Variants in UNKL observed in about 807,000 individuals in gnomAD.
The protein encoded by UNKL is putative E3 ubiquitin-protein ligase UNKL.
A neutral mutation model predicts 78.0 loss-of-function variants in UNKL; 60 were observed. The ratio of observed to expected loss-of-function variants is 0.77; its 90% CI spans 0.63 to 0.95. UNKL has a LOEUF of 0.95. Ranked by LOEUF, UNKL falls within the 40% of genes least tolerant of loss-of-function variation. The pLI is 0.00. For missense variants in UNKL, 1,159 were observed against 1,045.7 expected (o/e 1.11, Z -1.49); for synonymous variants, 608 against 474.8 (o/e 1.28, Z -3.65).
At chr16:1,385,727 G>A (rs867932093) in intron 9 of UNKL, among the ~76,000 whole-genome samples, 1 of 152,236 alleles carries the variant, frequency 6.6e-6, no homozygotes, top group African/African-American at 2.4e-5. Context: ...CCGCCAGCCC[G>A]AGGGGCAAGC....
intron 6 of UNKL, chr16:1,395,865 G>A (rs939764953): frequency 4.2e-5 from 18 of 424,986 alleles, no homozygotes; most frequent in African/African-American, 1.8e-4. Context: ...CATGATGCGC[G>A]TCTGTGACAA....
rs778419591 is a variant in UNKL, at chr16:1,371,534, C to A, written c.1342G>T (p.Asp448Tyr). 6.5e-7 allele frequency: 1 copy of A among 1,536,162 alleles called. No individual in the cohort carries two copies. The highest frequency in any genetic ancestry group is 1.4e-5 in the African/African-American group (1 of 73,162). ...CCACCCTCACCTGCTGCTCCCAGGTCGTGGCCGTCTTGCTCTTCCAGGTCC... is the reference window on the plus strand; with the variant it reads ...CCACCCTCACCTGCTGCTCCCAGGTAGTGGCCGTCTTGCTCTTCCAGGTCC... ...EKDLEEQDGH[D>Y]LGAAGPRSLA... Residue 448 changes from aspartate to tyrosine, a missense_variant, in exon 11 of 15, where the codon GAC (aspartate) becomes TAC (tyrosine). Asp to Tyr is a radical substitution (Grantham distance 160, BLOSUM62 -3). Coordinates refer to ENST00000389221, the MANE Select transcript of UNKL (RefSeq NM_001372107.1).
chr16:1,413,243 C>CAAAAAAAAAAAAA (rs546295462), intron 2 of UNKL, among the ~76,000 whole-genome samples: 2 of 71,648 alleles, frequency 2.8e-5, no homozygotes, highest in African/African-American at 5.6e-5. Context: ...GACCCTGTCT[C>CAAAAAAAAAAAAA]AAAAAAAAAA....
chr16:1,381,866 G>A (rs1199989177), intron 10 of UNKL, among the ~76,000 whole-genome samples: 2 of 152,206 alleles, frequency 1.3e-5, no homozygotes, highest in Non-Finnish European at 2.9e-5. Context: ...CATCTCTGGA[G>A]CACAGGAGTT....
intron 5 of UNKL, chr16:1,398,899 G>A: frequency 6.4e-7 from 1 of 1,571,780 alleles, no homozygotes; most frequent in South Asian, 1.2e-5. Context: ...TTGGGTTGTT[G>A]GCCCTGGGAC....
chr16:1,366,767 C>T (rs538442900), intron 14 of UNKL, among the ~76,000 whole-genome samples: 2 of 152,182 alleles, frequency 1.3e-5, no homozygotes, highest in South Asian at 2.1e-4. Context: ...AGGAGGGGCA[C>T]GCCGAAGTGG....
rs1351442827 is a variant in UNKL, at chr16:1,390,710, C to T, written c.1024-16G>A. On this transcript the variant is annotated splice_polypyrimidine_tract_variant and intron_variant, in intron 8 of 14. Transcript: ENST00000389221. ...TCCGCTTGGCCTGCAACATAAAAAACAGTCATATGTGGAAAAAGCAGGGAG... is the reference window on the plus strand; with the variant it reads ...TCCGCTTGGCCTGCAACATAAAAAATAGTCATATGTGGAAAAAGCAGGGAG... The T allele has an allele frequency of 3.9e-6, 6 of 1,535,800 alleles. No homozygotes were observed. Among genetic ancestry groups the T allele is most frequent in the Non-Finnish European group, 5.2e-6 (6 of 1,146,836 alleles).
At chr16:1,390,807 A>T (rs1397715471) in intron 8 of UNKL, 113 bp from the exon 9 acceptor site, 1 of 1,149,184 alleles carries the variant, frequency 8.7e-7, no homozygotes, top group Non-Finnish European at 1.2e-6. Context: ...AGGCGGGCGG[A>T]TCATCTGAGC....
chr16:1,393,591 T>C (rs2037139030), intron 7 of UNKL, among the ~76,000 whole-genome samples: 1 of 152,218 alleles, frequency 6.6e-6, no homozygotes, highest in African/African-American at 2.4e-5. Context: ...TCGCCAAAGC[T>C]AAGCCCTCAT....
intron 6 of UNKL, chr16:1,394,614 G>A (rs2037182619): frequency 2.3e-6 from 1 of 426,118 alleles, no homozygotes; most frequent in Admixed American, 2.5e-5. Flanking sequence ...TAGGGTGACA[G>A]CCCCTCTCAT....
chr16:1,399,659 G>T lies in UNKL; in HGVS notation c.599-150C>A. ...GCAGACACACGCCACGGCACACGCT[G>T]ATGTCAAAGGACTCGCGCTCCATGA... On this transcript the variant is annotated intron_variant, in intron 4 of 14. Transcript: ENST00000389221. The surrounding 1 kb of genome is among the most constrained non-coding windows in gnomAD (Gnocchi z 5.8). 1 of 1,172,056 alleles carries T rather than the reference G, an allele frequency of 8.5e-7. No homozygotes were observed. The highest frequency in any genetic ancestry group is 1.2e-6 in the Non-Finnish European group (1 of 838,520). 72.6% of individuals were successfully genotyped at this position (1,172,056 alleles called of 1,614,324 possible).
At chr16:1,369,071 T>G (rs1017429263) in intron 12 of UNKL, among the ~76,000 whole-genome samples, 2 of 130,760 alleles carry the variant, frequency 1.5e-5, no homozygotes, top group East Asian at 4.6e-4. Flanking sequence ...TTTTTTTTTT[T>G]TTTTTTTTTT....
chr16:1,406,369 T>C (rs959850705), intron 2 of UNKL, among the ~76,000 whole-genome samples: 4 of 152,136 alleles, frequency 2.6e-5, no homozygotes, highest in Non-Finnish European at 4.4e-5. Context: ...CCTGCCACCA[T>C]GCCTGGCTAA....
Position 1,367,357 on chromosome 16 carries a change from C to T in UNKL, c.1789-8G>A. 6.5e-7 allele frequency: 1 copy of T among 1,536,050 alleles called. No individual in the cohort carries two copies. The highest frequency in any genetic ancestry group is 8.7e-7 in the Non-Finnish European group (1 of 1,145,492). On this transcript the variant is annotated splice_region_variant and splice_polypyrimidine_tract_variant and intron_variant, in intron 13 of 14. Transcript: ENST00000389221. Reference sequence around the variant, plus strand: ...CTGCCAGGCATCGCAGACCTGAAACCCAGGGCCCGTCTCAGCACCCCCCAC... The same window carrying T: ...CTGCCAGGCATCGCAGACCTGAAACTCAGGGCCCGTCTCAGCACCCCCCAC...
intron 6 of UNKL, 40 bp downstream of exon 6, chr16:1,397,138 T>C: frequency 6.5e-7 from 1 of 1,538,792 alleles, no homozygotes. Context: ...CTCTGGGACC[T>C]TCCAGCGACC....
intron 10 of UNKL, among the ~76,000 whole-genome samples, chr16:1,383,132 C>T (rs1036342710): frequency 2.8e-5 from 4 of 145,424 alleles, no homozygotes; most frequent in African/African-American, 5.1e-5. Context: ...ATTAGCCGGG[C>T]GTAGTGGCAG....
In UNKL at chr16:1,364,283, G is replaced by C. The variant is rs2035057721; in HGVS notation, c.*1957C>G. ...TTAAAACAACAGAATGTTGCTATCA[G>C]TTTGTCTTACGTTAAAACAGTTCTT... On this transcript the variant is annotated 3_prime_UTR_variant, in exon 15 of 15. Coordinates refer to ENST00000389221, the MANE Select transcript of UNKL (RefSeq NM_001372107.1). The C allele has an allele frequency of 6.6e-6, 1 of 152,194 alleles. No homozygotes were observed. The highest frequency in any genetic ancestry group is 2.4e-5 in the African/African-American group (1 of 41,454). The allele number at this position is 152,194 out of a possible 1,614,324, so 9.4% of individuals were successfully genotyped here.
rs532061996 is a variant in UNKL at position 1,407,894 on chromosome 16, T to C, written c.288-4550A>G. On this transcript the variant is annotated intron_variant, in intron 2 of 14. Coordinates refer to ENST00000389221, the MANE Select transcript of UNKL (RefSeq NM_001372107.1). ...GCTACACAGCTGCAGGCCACGTGTA[T>C]TTTTTTTTCCCAATGAAAATGGGCC... Among the ~76,000 whole-genome samples the C allele has an allele frequency of 5.3e-5, 8 of 151,374 alleles. No individual in the cohort carries two copies. The South Asian group carries it at 1.5e-3, about 28-fold the overall frequency.
intron 10 of UNKL, chr16:1,379,389 G>A: frequency 1.2e-6 from 1 of 815,144 alleles, no homozygotes; most frequent in Non-Finnish European, 1.5e-6. Flanking sequence ...GGACGCAGGC[G>A]GCCCGAGCCC....
Sources: gnomAD v4.1 joint callset for allele counts (sites outside exome capture counted in the v4.1 genomes callset) on GRCh38, gnomAD v4.1.1 for gene constraint, Gnocchi (gnomAD v3.1) non-coding constraint, MANE v1.5 for transcripts, NCBI Gene and HGNC (gene_info 2026-07-23, HGNC 2026-07-21) for gene names.